PTGFRN: variants seen among roughly 807,000 people sequenced by gnomAD.
The protein encoded by PTGFRN is prostaglandin F2 receptor inhibitor.
A neutral mutation model predicts 83.2 loss-of-function variants in PTGFRN; 35 were observed. That is an observed-to-expected ratio of 0.42 (90% CI 0.32 to 0.56). PTGFRN has a LOEUF of 0.56. Ranked by LOEUF, PTGFRN falls within the 20% of genes least tolerant of loss-of-function variation. The pLI, the probability that PTGFRN is intolerant of heterozygous loss-of-function variation, is 0.11. For missense variants in PTGFRN, 1,051 were observed against 1,179.5 expected, an observed-to-expected ratio of 0.89 and a Z score of 1.60; for synonymous variants, 519 against 498.6, an observed-to-expected ratio of 1.04 and a Z score of -0.55.
At position 116,943,007 on chromosome 1, in the gene PTGFRN, T is replaced by G. The variant is rs566627100; in HGVS notation, c.418+924T>G. ...AATAGAAACATTATAATTGTTGTTA[T>G]TGTTACTTAATTATGCATTTATTTG... On this transcript the variant is annotated intron_variant, in intron 2 of 8. Coordinates refer to ENST00000393203, the MANE Select transcript of PTGFRN (RefSeq NM_020440.4). Among the ~76,000 whole-genome samples, 4 of 152,360 alleles carry G rather than the reference T, an allele frequency of 2.6e-5. No homozygotes were observed. The South Asian group carries it at 8.3e-4, about 32-fold the overall frequency.
chr1:116,927,978 G>A (rs1298263743), intron 1 of PTGFRN, among the ~76,000 whole-genome samples: 1 of 152,208 alleles, frequency 6.6e-6, no homozygotes, highest in Admixed American at 6.5e-5. Context: ...AAGATTTCCA[G>A]ATATAAATGG....
intron 1 of PTGFRN, among the ~76,000 whole-genome samples, chr1:116,922,805 C>T (rs1649570825): frequency 6.6e-6 from 1 of 152,106 alleles, no homozygotes; most frequent in Non-Finnish European, 1.5e-5. Context: ...TGTTGGTGAC[C>T]CCTCTTGAGG....
At chr1:116,953,964 T>C (rs1413587217) in intron 4 of PTGFRN, among the ~76,000 whole-genome samples, 1 of 151,640 alleles carries the variant, frequency 6.6e-6, no homozygotes, top group East Asian at 2.0e-4. Flanking sequence ...GCGATTCTCC[T>C]GCCCTAGCCT....
At chr1:116,915,957 C>T (rs572400480) in intron 1 of PTGFRN, among the ~76,000 whole-genome samples, 71 of 152,242 alleles carry the variant, frequency 4.7e-4, no homozygotes, top group South Asian at 6.2e-4. Flanking sequence ...GTGGTTTTTT[C>T]GATCTTGGAC....
At position 116,967,305 on chromosome 1, in the gene PTGFRN, T is replaced by C. The variant is rs777306328; in HGVS notation, c.2034T>C (p.Pro678=). Residue 678 remains proline (P), a synonymous_variant, in exon 6 of 9, where the codon CCT becomes CCC. Transcript: ENST00000393203. ...WREAATSLSN[P]IEIDFQTSGP... is the part of the protein sequence containing the mutation. ...AAGCAGCAACCAGTCTCTCCAATCC[T>C]ATTGAGATAGACTTCCAAACCTCAG... The C allele has an allele frequency of 6.2e-7, 1 of 1,612,138 alleles. No individual in the cohort carries two copies. Among genetic ancestry groups the C allele is most frequent in the Non-Finnish European group, 8.5e-7 (1 of 1,178,306 alleles).
chr1:116,926,229 A>AT (rs1370341827), intron 1 of PTGFRN, among the ~76,000 whole-genome samples: 11 of 152,226 alleles, frequency 7.2e-5, no homozygotes, highest in Non-Finnish European at 1.5e-4. Context: ...TTATGCTCAT[A>AT]TGCAAGTTTA....
At chr1:116,972,376 C>A (rs887608909) in intron 6 of PTGFRN, among the ~76,000 whole-genome samples, 2 of 152,178 alleles carry the variant, frequency 1.3e-5, no homozygotes, top group East Asian at 3.8e-4. Context: ...TGCCTAACCC[C>A]CACTAGGGTT....
chr1:116,924,114 A>G (rs1649597894), intron 1 of PTGFRN, among the ~76,000 whole-genome samples: 1 of 148,020 alleles, frequency 6.8e-6, no homozygotes, highest in Non-Finnish European at 1.5e-5. Flanking sequence ...TTATATCACT[A>G]CCTATGTCTC....
chr1:116,939,606 G>A (rs1395453215), intron 1 of PTGFRN, among the ~76,000 whole-genome samples: 1 of 152,214 alleles, frequency 6.6e-6, no homozygotes, highest in African/African-American at 2.4e-5. Context: ...ATGCCCTGGA[G>A]ACATTTTCCC....
intron 1 of PTGFRN, among the ~76,000 whole-genome samples, chr1:116,933,360 G>T (rs2491110): frequency 0.85 from 129,679 of 152,030 alleles, 56,509 homozygotes; most frequent in Non-Finnish European, 0.94. Flanking sequence ...CCAGGATAAT[G>T]AAAGACCTTA....
rs200953368 is a variant in PTGFRN, at chr1:116,941,671, C to T, written c.50-44C>T. The stretch of plus-strand genomic sequence containing the variant: ...GTTTGCCACATTTGTCCTGGGAAGA[C>T]TTTCTGTGATTAAAGACCTGCCTTT... On this transcript the variant is annotated intron_variant, in intron 1 of 8. Transcript: ENST00000393203. This position sits in a 1 kb window ranked among gnomAD's most constrained non-coding sequence, Gnocchi z 5.0. 5 of 1,561,578 alleles carry T rather than the reference C, an allele frequency of 3.2e-6. No homozygotes were observed. Among genetic ancestry groups the T allele is most frequent in the Middle Eastern group, 3.9e-4 (2 of 5,176 alleles).
At chr1:116,950,862 C>T (rs1372636978) in intron 4 of PTGFRN, among the ~76,000 whole-genome samples, 1 of 152,126 alleles carries the variant, frequency 6.6e-6, no homozygotes, top group Admixed American at 6.6e-5. Context: ...GCTTTTTATT[C>T]CTGCCGTCTG....
chr1:116,935,125 T>C (rs1263688084), intron 1 of PTGFRN, among the ~76,000 whole-genome samples: 1 of 152,230 alleles, frequency 6.6e-6, no homozygotes, highest in Non-Finnish European at 1.5e-5. Flanking sequence ...TCAATGTATC[T>C]TTCATGTCAG....
At chr1:116,932,969 A>C (rs1207653806) in intron 1 of PTGFRN, among the ~76,000 whole-genome samples, 1 of 152,158 alleles carries the variant, frequency 6.6e-6, no homozygotes. Flanking sequence ...TAGGGGTGGT[A>C]ATAGCTACCT....
intron 7 of PTGFRN, among the ~76,000 whole-genome samples, chr1:116,976,136 AAACG>A (rs1651149604): frequency 6.6e-6 from 1 of 152,244 alleles, no homozygotes; most frequent in African/African-American, 2.4e-5. Context: ...ATTGAAGATC[AAACG>A]AATGAAATGA....
At chr1:116,911,717 A>C (rs56958587) in intron 1 of PTGFRN, among the ~76,000 whole-genome samples, 1,938 of 152,316 alleles carry the variant, frequency 0.013, 56 homozygotes, top group African/African-American at 0.044. Context: ...ACCACAGCTC[A>C]CTGAAGCCTC....
intron 1 of PTGFRN, among the ~76,000 whole-genome samples, chr1:116,931,403 C>T (rs548087076): frequency 4.6e-5 from 7 of 152,190 alleles, no homozygotes; most frequent in African/African-American, 1.7e-4. Context: ...TCACCTAGCA[C>T]AGGGACTTTT....
intron 1 of PTGFRN, among the ~76,000 whole-genome samples, chr1:116,920,568 T>C (rs1351102196): frequency 6.6e-6 from 1 of 152,222 alleles, no homozygotes; most frequent in African/African-American, 2.4e-5. Context: ...TTGAGATGTG[T>C]ATAAATATTG....
rs1458006716 is a variant in PTGFRN, at chr1:116,952,792, AC to A, written c.1213+3221del. Among the ~76,000 whole-genome samples the A allele has an allele frequency of 6.6e-6, 1 of 152,232 alleles. No homozygotes were observed. The highest frequency in any genetic ancestry group is 1.5e-5 in the Non-Finnish European group (1 of 68,044). On this transcript the variant is annotated intron_variant, in intron 4 of 8. Transcript: ENST00000393203. The surrounding 1 kb of genome is among the most constrained non-coding windows in gnomAD (Gnocchi z 4.0). ...AGACAGGGCTTTCAACTGTTCTTTT[AC>A]AAAAGGCCCTAAATGATGGTTTAAA...
Sources: allele counts gnomAD v4.1 joint callset (sites outside exome capture counted in the v4.1 genomes callset), GRCh38; gene constraint gnomAD v4.1.1; non-coding constraint Gnocchi (gnomAD v3.1); transcripts MANE v1.5; gene names NCBI Gene and HGNC (gene_info 2026-07-23, HGNC 2026-07-21).